Variants in LMBR1 observed in about 807,000 individuals in gnomAD.
The protein encoded by LMBR1 is limb development membrane protein 1.
Under a neutral mutation model 73.9 loss-of-function variants are expected in LMBR1, and 52 were observed. The ratio of observed to expected loss-of-function variants is 0.70; its 90% confidence interval spans 0.56 to 0.89. The LOEUF (loss-of-function observed/expected upper bound fraction) is 0.89. Among genes scored for constraint, LMBR1 ranks in the 40% least tolerant of loss-of-function variants. LMBR1 has a pLI of 0.00. For missense variants in LMBR1, 539 were observed against 579.8 expected (o/e 0.93, Z 0.72); for synonymous variants, 215 against 209.4 (o/e 1.03, Z -0.23).
chr7:156,775,855 C>A (rs1826032599), intron 5 of LMBR1, among the ~76,000 whole-genome samples: 1 of 151,776 alleles, frequency 6.6e-6, no homozygotes, highest in Non-Finnish European at 1.5e-5. Context: ...GTTTATGAGA[C>A]ATACTAGGCT....
At chr7:156,856,671 A>C (rs1797015400) in intron 1 of LMBR1, among the ~76,000 whole-genome samples, 1 of 152,060 alleles carries the variant, frequency 6.6e-6, no homozygotes, top group African/African-American at 2.4e-5. Flanking sequence ...ACACCACTGC[A>C]CTCCAGCCTA....
chr7:156,700,352 T>C (rs1440525749), intron 15 of LMBR1, among the ~76,000 whole-genome samples: 6 of 151,198 alleles, frequency 4.0e-5, no homozygotes, highest in Non-Finnish European at 5.9e-5. Context: ...TGAGAACACA[T>C]GGACACAGGA....
chr7:156,879,817 T>A (rs565631775), intron 1 of LMBR1, among the ~76,000 whole-genome samples: 2 of 152,314 alleles, frequency 1.3e-5, no homozygotes, highest in South Asian at 4.1e-4. Context: ...ACCTTACTCC[T>A]GCAAGAATGG....
chr7:156,786,999 A>T (rs1316390383), intron 5 of LMBR1, among the ~76,000 whole-genome samples: 2 of 152,176 alleles, frequency 1.3e-5, no homozygotes, highest in African/African-American at 4.8e-5. Context: ...CAATACAGGT[A>T]TCTATAGTAA....
chr7:156,844,922 C>G (rs539587362), intron 1 of LMBR1, among the ~76,000 whole-genome samples: 1 of 152,258 alleles, frequency 6.6e-6, no homozygotes, highest in African/African-American at 2.4e-5. Flanking sequence ...AACTAATATT[C>G]TTAAATTTGA....
At chr7:156,880,604 A>G (rs1295686596) in intron 1 of LMBR1, among the ~76,000 whole-genome samples, 2 of 152,326 alleles carry the variant, frequency 1.3e-5, no homozygotes, top group East Asian at 1.9e-4. Flanking sequence ...CAAAATATCC[A>G]TAATACCCAA....
chr7:156,757,175 A>T (rs1585590461), intron 8 of LMBR1, among the ~76,000 whole-genome samples: 1 of 152,224 alleles, frequency 6.6e-6, no homozygotes, highest in South Asian at 2.1e-4. Flanking sequence ...AACTACAGTA[A>T]ATATAGGCCC....
chr7:156,754,096 C>T (rs773691925), intron 9 of LMBR1, among the ~76,000 whole-genome samples: 7 of 152,184 alleles, frequency 4.6e-5, no homozygotes, highest in Admixed American at 1.3e-4. Flanking sequence ...TAGAGAGCAG[C>T]TGATAACAAG....
In LMBR1 at chr7:156,761,437, T is replaced by C. The variant is rs139943262; in HGVS notation, c.684+697A>G. ...TATGCTTCAATTAATCGAGACACAA[T>C]ATGCAGACAAATTTTCAGAAATATA... On this transcript the variant is annotated intron_variant, in intron 8 of 16. Transcript: ENST00000353442. 4.6e-5 allele frequency among the ~76,000 whole-genome samples: 7 copies of C among 152,298 alleles called. No individual in the cohort carries two copies. The East Asian group carries it at 1.3e-3, about 29-fold the overall frequency.
chr7:156,870,723 G>C (rs112017542), intron 1 of LMBR1, among the ~76,000 whole-genome samples: 14,924 of 149,998 alleles, frequency 0.099, 844 homozygotes, highest in African/African-American at 0.13. Context: ...CGAGATCGCG[G>C]CACAACCTGG....
At chr7:156,698,687 C>T (rs1808902532) in intron 15 of LMBR1, among the ~76,000 whole-genome samples, 1 of 152,196 alleles carries the variant, frequency 6.6e-6, no homozygotes, top group Non-Finnish European at 1.5e-5. Context: ...AGACTGCATA[C>T]AGCAGAGGGA....
chr7:156,765,008 G>A (rs1442405362), intron 5 of LMBR1, among the ~76,000 whole-genome samples: 2 of 152,172 alleles, frequency 1.3e-5, no homozygotes, highest in African/African-American at 4.8e-5. Flanking sequence ...TAGCATGGGA[G>A]GCCAGTGAAC....
intron 6 of LMBR1, 34 bp downstream of exon 6, chr7:156,763,635 G>C (rs1823540107): frequency 6.5e-7 from 1 of 1,535,954 alleles, no homozygotes. Flanking sequence ...ACAGTTTCCA[G>C]TAAGGAAACT....
intron 1 of LMBR1, among the ~76,000 whole-genome samples, chr7:156,852,378 T>C (rs566440924): frequency 6.6e-6 from 1 of 152,070 alleles, no homozygotes; most frequent in Non-Finnish European, 1.5e-5. Context: ...AAATAAGAGA[T>C]TGCTTATGGA....
intron 8 of LMBR1, among the ~76,000 whole-genome samples, chr7:156,761,360 C>T (rs374027182): frequency 1.3e-5 from 2 of 152,126 alleles, no homozygotes; most frequent in Admixed American, 6.5e-5. Context: ...TTACAATCAA[C>T]TGAAAATCAT....
Position 156,893,084 on chromosome 7 carries a change from G to C in LMBR1, c.-91C>G, listed in dbSNP as rs3735184. On this transcript the variant is annotated 5_prime_UTR_variant, in exon 1 of 17. Coordinates refer to ENST00000353442, the MANE Select transcript of LMBR1 (RefSeq NM_022458.4). ...CGCAGGGGCTCGGACAGCCGCGCCG[G>C]GGACCGGAGCCGGCACGGGCCCGCG... The C allele has an allele frequency of 6.4e-4, 817 of 1,272,628 alleles. 14 individuals carry two copies. The East Asian group carries it at 0.024, about 38-fold the overall frequency. 78.8% of individuals were successfully genotyped at this position (1,272,628 alleles called of 1,614,324 possible). A position where few individuals can be genotyped will look rare whatever the true frequency, so the allele number is the denominator to read the frequency against.
At position 156,687,950 on chromosome 7, in the gene LMBR1, A is replaced by T. The variant is rs936682777; in HGVS notation, c.1387+80T>A. On this transcript the variant is annotated intron_variant, in intron 16 of 16. Coordinates refer to ENST00000353442, the MANE Select transcript of LMBR1 (RefSeq NM_022458.4). ...GTTTTACAAATTTGGGAAACTAAAT[A>T]GCTGAAGATGTAATATTAACTCAAA... 3.9e-6 allele frequency: 5 copies of T among 1,298,620 alleles called. No homozygotes were observed. The African/African-American group carries it at 6.1e-5, about 16-fold the overall frequency. 80.4% of individuals were successfully genotyped at this position (1,298,620 alleles called of 1,614,324 possible).
chr7:156,862,376 TG>T (rs1797852929), intron 1 of LMBR1, among the ~76,000 whole-genome samples: 1 of 151,938 alleles, frequency 6.6e-6, no homozygotes, highest in Non-Finnish European at 1.5e-5. Context: ...CCACGACACA[TG>T]AGAATTGTAG....
intron 15 of LMBR1, among the ~76,000 whole-genome samples, chr7:156,701,832 T>G (rs1809775703): frequency 6.6e-6 from 1 of 152,204 alleles, no homozygotes; most frequent in Admixed American, 6.5e-5. Context: ...CCTGTGTCCA[T>G]GTATTCTCAT....
Sources: allele counts gnomAD v4.1 joint callset (sites outside exome capture counted in the v4.1 genomes callset), GRCh38; gene constraint gnomAD v4.1.1; transcripts MANE v1.5; gene names NCBI Gene and HGNC (gene_info 2026-07-23, HGNC 2026-07-21).